The following ASH1L variants were observed in gnomAD, a reference collection of about 807,000 sequenced individuals.
ASH1L encodes ASH1 like histone lysine methyltransferase.
ASH1L carries 23 observed loss-of-function variants against 269.0 expected under a neutral mutation model. The observed-to-expected ratio is 0.09, with a 90% CI of 0.06 to 0.12. The LOEUF (loss-of-function observed/expected upper bound fraction) is 0.12, where lower values mean the gene tolerates loss of function less well. Ranked by LOEUF, ASH1L falls within the 10% of genes least tolerant of loss-of-function variation. ASH1L has a pLI of 1.00. For synonymous variants in ASH1L, 1,187 were observed against 1,253.5 expected, an observed-to-expected ratio of 0.95 and a Z score of 1.12; for missense variants, 2,912 against 3,567.8, an observed-to-expected ratio of 0.82 and a Z score of 4.68.
At chr1:155,494,508 T>C (rs141668542) in intron 2 of ASH1L, among the ~76,000 whole-genome samples, 18 of 152,240 alleles carry the variant, frequency 1.2e-4, no homozygotes, top group Middle Eastern at 6.8e-3. Context: ...CACAAAAAAC[T>C]TTTAAAGATT....
chr1:155,414,179 G>C (rs1369765161), intron 6 of ASH1L, among the ~76,000 whole-genome samples: 2 of 152,114 alleles, frequency 1.3e-5, no homozygotes, highest in East Asian at 3.9e-4. Flanking sequence ...TGTGAGGTGA[G>C]AGTTTTTGCC....
At chr1:155,547,518 GT>G (rs969354022) in intron 1 of ASH1L, among the ~76,000 whole-genome samples, 1 of 152,042 alleles carries the variant, frequency 6.6e-6, no homozygotes, top group Non-Finnish European at 1.5e-5. Context: ...GAGGTCAGGA[GT>G]TTGAGACCAG....
intron 27 of ASH1L, 49 bp downstream of exon 27, chr1:155,338,030 CCATTCCCTCT>C: frequency 6.6e-7 from 1 of 1,521,858 alleles, no homozygotes; most frequent in Non-Finnish European, 8.9e-7. Context: ...CAATTTTTTT[CCATTCCCTCT>C]CATTTCGCAT....
chr1:155,452,940 A>G (rs1228004145), intron 4 of ASH1L, among the ~76,000 whole-genome samples: 2 of 152,184 alleles, frequency 1.3e-5, no homozygotes, highest in East Asian at 1.9e-4. Context: ...CTCATGCCAC[A>G]TGTAAACCTT....
At chr1:155,533,550 TAA>T (rs879679136) in intron 1 of ASH1L, among the ~76,000 whole-genome samples, 3 of 140,588 alleles carry the variant, frequency 2.1e-5, no homozygotes, top group Admixed American at 7.2e-5. Context: ...CGTCTCCACT[TAA>T]AAAAAAAAAA....
chr1:155,475,948 TGA>T (rs1665504631), intron 3 of ASH1L, among the ~76,000 whole-genome samples: 1 of 152,168 alleles, frequency 6.6e-6, no homozygotes, highest in Non-Finnish European at 1.5e-5. Context: ...CATGACTCAA[TGA>T]ACCTGTGTGC....
intron 5 of ASH1L, among the ~76,000 whole-genome samples, chr1:155,418,054 T>C (rs1473970939): frequency 1.3e-5 from 2 of 151,366 alleles, no homozygotes; most frequent in Non-Finnish European, 2.9e-5. Flanking sequence ...AAAATAAAAT[T>C]GAATATTTGT....
upstream of ASH1L, chr1:155,563,015 G>A (rs1201622640): frequency 1.3e-5 from 6 of 458,282 alleles, no homozygotes; most frequent in Non-Finnish European, 2.6e-5. Context: ...GAGCGGGTCG[G>A]GGCTTGCCGT....
chr1:155,449,523 T>G (rs866366260), intron 4 of ASH1L, among the ~76,000 whole-genome samples: 10 of 126,504 alleles, frequency 7.9e-5, no homozygotes, highest in South Asian at 2.5e-4. Flanking sequence ...AATGTGGTTG[T>G]TTTTTTTTTT....
chr1:155,545,515 G>C (rs1222159797), intron 1 of ASH1L, among the ~76,000 whole-genome samples: 1 of 150,636 alleles, frequency 6.6e-6, no homozygotes, highest in Non-Finnish European at 1.5e-5. Context: ...AAGCAAGCAA[G>C]ATCTCATATT....
At chr1:155,422,394 C>T (rs902207908) in intron 5 of ASH1L, among the ~76,000 whole-genome samples, 7 of 150,602 alleles carry the variant, frequency 4.6e-5, no homozygotes, top group African/African-American at 9.8e-5. Flanking sequence ...CTGCAACCTC[C>T]GGGCCACCAG....
intron 17 of ASH1L, 58 bp downstream of exon 17, chr1:155,352,648 A>C: frequency 8.9e-7 from 1 of 1,118,406 alleles, no homozygotes; most frequent in Non-Finnish European, 1.2e-6. Flanking sequence ...CTATTTATTT[A>C]AAAAAAAAAG....
At chr1:155,445,872 G>C (rs1283674691) in intron 4 of ASH1L, among the ~76,000 whole-genome samples, 1 of 151,908 alleles carries the variant, frequency 6.6e-6, no homozygotes, top group Non-Finnish European at 1.5e-5. Context: ...GTGTGTGTGT[G>C]TGTTTGTGTG....
At chr1:155,399,878 A>T (rs1658686158) in intron 6 of ASH1L, among the ~76,000 whole-genome samples, 1 of 152,148 alleles carries the variant, frequency 6.6e-6, no homozygotes, top group African/African-American at 2.4e-5. Context: ...TGTAGGATGG[A>T]GGAAGTAAGG....
chr1:155,495,754 T>C (rs1382754384), intron 2 of ASH1L, among the ~76,000 whole-genome samples: 3 of 152,188 alleles, frequency 2.0e-5, no homozygotes, highest in Non-Finnish European at 4.4e-5. Context: ...TCCCAGTACT[T>C]TGGGAGGCTG....
At chr1:155,482,774 A>C (rs879557152) in intron 2 of ASH1L, among the ~76,000 whole-genome samples, 5 of 152,182 alleles carry the variant, frequency 3.3e-5, no homozygotes, top group Admixed American at 3.3e-4. Flanking sequence ...GACTGGGTAA[A>C]TATAAATGAA....
At chr1:155,423,544 G>A (rs1193179312) in intron 5 of ASH1L, among the ~76,000 whole-genome samples, 1 of 151,942 alleles carries the variant, frequency 6.6e-6, no homozygotes, top group East Asian at 2.0e-4. Context: ...ACTCCAGCCT[G>A]GCGACAGAGC....
intron 5 of ASH1L, chr1:155,433,652 A>G (rs1558099271): frequency 1.9e-6 from 3 of 1,605,390 alleles, no homozygotes; most frequent in Non-Finnish European, 2.6e-6. Flanking sequence ...GCAGAAGAGG[A>G]TCACCCTGGG....
Position 155,470,470 on chromosome 1 carries a change from C to CA in ASH1L, c.4984+7415dup, listed in dbSNP as rs1255749410. Among the ~76,000 whole-genome samples the CA allele has an allele frequency of 7.0e-3, 998 of 142,928 alleles. 7 individuals are homozygous for CA. The highest frequency in any genetic ancestry group is 0.015 in the African/African-American group (567 of 38,212). The allele number at this position is 142,928 out of a possible 152,430, so 93.8% of individuals were successfully genotyped here. On this transcript the variant is annotated intron_variant, in intron 3 of 27. Transcript: ENST00000392403. ...TGAGTCTGTCTCAAAAAACAAAAAA[C>CA]AAAAAAAAACAAAAAAAAAAACTGT...
Sources: allele counts gnomAD v4.1 joint callset (sites outside exome capture counted in the v4.1 genomes callset), GRCh38; gene constraint gnomAD v4.1.1; transcripts MANE v1.5; gene names NCBI Gene and HGNC (gene_info 2026-07-23, HGNC 2026-07-21).